PPP2R2D: variants seen among roughly 807,000 people sequenced by gnomAD.
PPP2R2D encodes serine/threonine-protein phosphatase 2A 55 kDa regulatory subunit B delta isoform.
In PPP2R2D, 9 loss-of-function variants were observed where a neutral mutation model predicts 31.1. The ratio of observed to expected loss-of-function variants is 0.29; its 90% CI spans 0.17 to 0.51. PPP2R2D has a LOEUF of 0.51. Ranked by LOEUF, PPP2R2D falls within the 20% of genes least tolerant of loss-of-function variation. The pLI is 0.98. For synonymous variants in PPP2R2D, 179 were observed against 172.6 expected (o/e 1.04, Z -0.29); for missense variants, 391 against 465.6 (o/e 0.84, Z 1.48).
chr10:131,968,661 CTTATGCAAGGGGACTGGTGAT>C, the PPP2R2D span: 4 of 1,145,152 alleles, frequency 3.5e-6, no homozygotes, highest in East Asian at 9.5e-5. Context: ...GTGGTTAGAG[CTTATGCAAGGGGACTGGTGAT>C]TTTATACCCA....
At chr10:131,940,757 C>T in intron 5 of PPP2R2D, 63 bp downstream of exon 5, 2 of 714,732 alleles carry the variant, frequency 2.8e-6, no homozygotes, top group East Asian at 5.3e-5. Flanking sequence ...TTTCAGTCTG[C>T]TGTCTGGAGA....
chr10:131,956,338 C>G lies in PPP2R2D; in HGVS notation c.*375C>G, dbSNP rs2036798266. 1 of 990,668 alleles carries G rather than the reference C, an allele frequency of 1.0e-6. No individual in the cohort carries two copies. The highest frequency in any genetic ancestry group is 1.2e-6 in the Non-Finnish European group (1 of 833,624). The allele number at this position is 990,668 out of a possible 1,614,324, so 61.4% of individuals were successfully genotyped here. A position where few individuals can be genotyped will look rare whatever the true frequency, so the allele number is the denominator to read the frequency against. ...GCTCTTTCTCCAACTTTCCCTCTTT[C>G]TCTGCCATCACACTTGGGCCTTCAC... On this transcript the variant is annotated 3_prime_UTR_variant, in exon 9 of 9. Coordinates refer to ENST00000455566, the MANE Select transcript of PPP2R2D (RefSeq NM_018461.5).
intron 2 of PPP2R2D, among the ~76,000 whole-genome samples, chr10:131,931,354 T>G (rs550314529): frequency 6.6e-6 from 1 of 152,342 alleles, no homozygotes; most frequent in East Asian, 1.9e-4. Context: ...TGTTTTTTTG[T>G]TATTTTTTAC....
intron 2 of PPP2R2D, among the ~76,000 whole-genome samples, chr10:131,910,477 A>C (rs1045313972): frequency 6.6e-6 from 1 of 152,238 alleles, no homozygotes; most frequent in African/African-American, 2.4e-5. Flanking sequence ...GGTAACAAAT[A>C]CTGTCAGTTA....
intron 8 of PPP2R2D, among the ~76,000 whole-genome samples, chr10:131,952,294 C>G (rs1303382229): frequency 1.2e-5 from 1 of 83,658 alleles, no homozygotes; most frequent in Non-Finnish European, 2.2e-5. Flanking sequence ...GGTTCACTGT[C>G]TTAGTGACTT....
chr10:131,926,962 G>A (rs551592775), intron 2 of PPP2R2D, among the ~76,000 whole-genome samples: 190 of 152,334 alleles, frequency 1.2e-3, no homozygotes, highest in African/African-American at 4.3e-3. Context: ...TGGCTACAGC[G>A]AGTTCATGAA....
chr10:131,947,113 G>A lies in PPP2R2D; in HGVS notation c.821-417G>A, dbSNP rs566473359. On this transcript the variant is annotated intron_variant, in intron 7 of 8. Coordinates refer to ENST00000455566, the MANE Select transcript of PPP2R2D (RefSeq NM_018461.5). The surrounding 1 kb of genome is among the most constrained non-coding windows in gnomAD (Gnocchi z 4.3). ...TTGTGTCTTCCTGTGATGTGTATGC[G>A]ATAGAATTTCACGTGCTCGGGCCTG... Among the ~76,000 whole-genome samples the A allele has an allele frequency of 9.3e-4, 141 of 152,312 alleles. 1 individual carries two copies. The South Asian group carries it at 0.022, about 24-fold the overall frequency.
intron 2 of PPP2R2D, among the ~76,000 whole-genome samples, chr10:131,930,963 A>T (rs2036210733): frequency 6.6e-6 from 1 of 152,118 alleles, no homozygotes; most frequent in African/African-American, 2.4e-5. Flanking sequence ...TGGATTTCAC[A>T]TGGCACTTTC....
chr10:131,960,724 G>A (rs537068191), downstream of PPP2R2D, among the ~76,000 whole-genome samples: 2 of 152,198 alleles, frequency 1.3e-5, no homozygotes, highest in East Asian at 1.9e-4. Flanking sequence ...CTGGGGCTGC[G>A]GAGGCTCTCC....
intron 2 of PPP2R2D, among the ~76,000 whole-genome samples, chr10:131,905,521 C>T (rs1589919078): frequency 1.3e-5 from 2 of 152,200 alleles, no homozygotes; most frequent in Admixed American, 1.3e-4. Flanking sequence ...GGCTGTCCCC[C>T]TTCCCACCCC....
At chr10:131,918,786 GTA>G (rs1554893674) in intron 2 of PPP2R2D, among the ~76,000 whole-genome samples, 2 of 149,460 alleles carry the variant, frequency 1.3e-5, no homozygotes, top group East Asian at 4.3e-4. Context: ...CACAGTGTTT[GTA>G]GGGACCTCAC....
At position 131,954,233 on chromosome 10, in the gene PPP2R2D, A is replaced by G. The variant is rs534207554; in HGVS notation, c.1083-1451A>G. 9.2e-5 allele frequency among the ~76,000 whole-genome samples: 14 copies of G among 152,366 alleles called. No homozygotes were observed. The South Asian group carries it at 2.1e-3, about 23-fold the overall frequency. On this transcript the variant is annotated intron_variant, in intron 8 of 8. Coordinates refer to ENST00000455566, the MANE Select transcript of PPP2R2D (RefSeq NM_018461.5). ...AATTTAAAAGTGATCATAAATCTGT[A>G]TGAAAGCTGATGTGCTTTTCGTTAT... is the stretch of plus-strand genomic sequence containing the variant.
intron 2 of PPP2R2D, among the ~76,000 whole-genome samples, chr10:131,915,159 T>C (rs2035755355): frequency 6.6e-6 from 1 of 152,000 alleles, no homozygotes. Flanking sequence ...TAAAAGAGTA[T>C]TCATTACAAA....
chr10:131,929,065 T>G (rs989041970), intron 2 of PPP2R2D, among the ~76,000 whole-genome samples: 2 of 152,352 alleles, frequency 1.3e-5, no homozygotes, highest in Middle Eastern at 3.4e-3. Context: ...TCTCTCCAGA[T>G]GCAGTTTCTG....
chr10:131,962,576 C>T (rs999912724), downstream of PPP2R2D, among the ~76,000 whole-genome samples: 10 of 152,330 alleles, frequency 6.6e-5, no homozygotes, highest in East Asian at 1.9e-3. Context: ...ACGTTTCTAA[C>T]AGGCTGTGTT....
chr10:131,961,388 A>AGCTGTGGGGTTTGGCT (rs2036917625), downstream of PPP2R2D, among the ~76,000 whole-genome samples: 1 of 152,022 alleles, frequency 6.6e-6, no homozygotes, highest in Non-Finnish European at 1.5e-5. Flanking sequence ...GGCCCTGCAG[A>AGCTGTGGGGTTTGGCT]GCTGTGGGGT....
the PPP2R2D span, chr10:131,970,266 G>A: frequency 8.4e-6 from 2 of 237,916 alleles, no homozygotes; most frequent in African/African-American, 2.3e-5. This position sits in a 1 kb window ranked among gnomAD's most constrained non-coding sequence, Gnocchi z 4.1. Context: ...AGGTAACTGA[G>A]ACCCTCCACC....
chr10:131,921,359 CA>C (rs1164763564), intron 2 of PPP2R2D, among the ~76,000 whole-genome samples: 3 of 152,168 alleles, frequency 2.0e-5, no homozygotes, highest in African/African-American at 4.8e-5. Context: ...CCCACGCACC[CA>C]GGGTCCTAAG....
At chr10:131,942,842 C>T (rs564592081) in intron 5 of PPP2R2D, among the ~76,000 whole-genome samples, 24 of 152,240 alleles carry the variant, frequency 1.6e-4, no homozygotes, top group Non-Finnish European at 3.4e-4. Flanking sequence ...TGTTTTTAAG[C>T]CTGAACTTGG....
Sources: gnomAD v4.1 joint callset for allele counts (sites outside exome capture counted in the v4.1 genomes callset) on GRCh38, gnomAD v4.1.1 for gene constraint, Gnocchi (gnomAD v3.1) non-coding constraint, MANE v1.5 for transcripts, NCBI Gene and HGNC (gene_info 2026-07-23, HGNC 2026-07-21) for gene names.